SLC47A1: variants seen among roughly 807,000 people sequenced by gnomAD.
The protein encoded by SLC47A1 is solute carrier family 47 member 1, also known as multidrug and toxin extrusion protein 1.
Under a neutral mutation model 65.8 loss-of-function variants are expected in SLC47A1, and 58 were observed. The observed-to-expected ratio is 0.88, with a 90% confidence interval of 0.71 to 1.10. SLC47A1 has a LOEUF of 1.10. Among genes scored for constraint, SLC47A1 ranks in the 50% least tolerant of loss-of-function variants. The probability of loss-of-function intolerance (pLI) is 0.00; values close to 1 mark genes in which losing one functional copy is unlikely to be tolerated. For missense variants in SLC47A1, 706 were observed against 719.2 expected (o/e 0.98, Z 0.21); for synonymous variants, 285 against 295.0 (o/e 0.97, Z 0.35).
chr17:19,534,857 T>A (rs1041011914), intron 1 of SLC47A1: 3 of 152,316 alleles, frequency 2.0e-5, no homozygotes, highest in Non-Finnish European at 4.4e-5. Flanking sequence ...CACAATCCTA[T>A]CCACGTTCTC....
intron 12 of SLC47A1, among the ~76,000 whole-genome samples, chr17:19,561,038 C>T (rs2084305373): frequency 6.6e-6 from 1 of 151,990 alleles, no homozygotes; most frequent in South Asian, 2.1e-4. Flanking sequence ...TGGCAGATCA[C>T]CTGAGGTCAG....
intron 1 of SLC47A1, among the ~76,000 whole-genome samples, chr17:19,541,271 G>T (rs547358595): frequency 1.3e-5 from 2 of 152,138 alleles, no homozygotes; most frequent in African/African-American, 2.4e-5. Context: ...AGGCAGCGGC[G>T]GCAGCAGCAA....
Position 19,577,876 on chromosome 17 carries a change from A to C in SLC47A1, c.*323A>C. ...TTTTTAGACACAAACCCATAAACTA[A>C]CTGCTTAAGAATTCATACTGCTTGA... On this transcript the variant is annotated 3_prime_UTR_variant, in exon 17 of 17. Transcript: ENST00000270570. 3.2e-6 allele frequency: 4 copies of C among 1,241,722 alleles called. No individual in the cohort carries two copies. Among genetic ancestry groups the C allele is most frequent in the Non-Finnish European group, 4.1e-6 (4 of 977,528 alleles). The allele number at this position is 1,241,722 out of a possible 1,614,324, so 76.9% of individuals were successfully genotyped here.
At chr17:19,548,499 CTT>C (rs11341022) in intron 4 of SLC47A1, among the ~76,000 whole-genome samples, 9,315 of 123,516 alleles carry the variant, frequency 0.075, 309 homozygotes, top group East Asian at 0.18. Flanking sequence ...CAAGATTTTT[CTT>C]TTTTTTTTTT....
intron 14 of SLC47A1, chr17:19,567,880 C>G (rs2084372492): frequency 6.6e-6 from 1 of 152,472 alleles, no homozygotes; most frequent in Non-Finnish European, 1.5e-5. Flanking sequence ...CAAGGCCATA[C>G]ACGTGGTCGG....
In SLC47A1 at chr17:19,571,515, A is replaced by T; in HGVS notation, c.1347A>T (p.Gln449His). 1 of 1,614,118 alleles carries T rather than the reference A, an allele frequency of 6.2e-7. No individual in the cohort carries two copies. Residue 449 changes from glutamine (Q) to histidine (H), a missense_variant, in exon 15 of 17, where the codon CAA (glutamine) becomes CAT (histidine). Coordinates refer to ENST00000270570, the MANE Select transcript of SLC47A1 (RefSeq NM_018242.3). ...WSGIIICTVF[Q>H]AVCFLGFIIQ... ...GGATCATCATCTGTACAGTCTTTCA[A>T]GCTGTGTGTTTTCTAGGCTTTATTA...
chr17:19,555,261 A>G lies in SLC47A1; in HGVS notation c.593A>G (p.Asn198Ser), dbSNP rs781664341. ...IVTGVAANLV[N>S]ALANYLFLHQ... The stretch of plus-strand genomic sequence containing the variant: ...ACTGGAGTTGCAGCCAACCTTGTCA[A>G]TGCCCTCGCCAACTATCTGTTTCTC... The change falls in exon 7 of 17, where the codon AAT (asparagine) becomes AGT (serine). Residue 198 changes from asparagine to serine, a missense_variant. By Grantham distance (46) the Asn-to-Ser change is conservative (BLOSUM62 1). Coordinates refer to ENST00000270570, the MANE Select transcript of SLC47A1 (RefSeq NM_018242.3). 18 of 1,614,056 alleles carry G rather than the reference A, an allele frequency of 1.1e-5. No individual in the cohort carries two copies. Among genetic ancestry groups the G allele is most frequent in the Admixed American group, 5.0e-5 (3 of 60,002 alleles).
rs191906653 is a variant in SLC47A1 at position 19,557,309 on chromosome 17, A to T, written c.921+1247A>T. 3.7e-4 allele frequency: 62 copies of T among 166,288 alleles called. 1 individual carries two copies. The East Asian group carries it at 7.1e-3, about 19-fold the overall frequency. The allele number at this position is 166,288 out of a possible 1,614,324, so 10.3% of individuals were successfully genotyped here. A position where few individuals can be genotyped will look rare whatever the true frequency, so the allele number is the denominator to read the frequency against. ...TCTATCCTTGGCAGAGTTTTTTAAC[A>T]TGGATTTTTTACTTCACTTTTAATA... On this transcript the variant is annotated intron_variant, in intron 10 of 16. Coordinates refer to ENST00000270570, the MANE Select transcript of SLC47A1 (RefSeq NM_018242.3).
chr17:19,577,691 C>T lies in SLC47A1; in HGVS notation c.*138C>T, dbSNP rs1472254203. On this transcript the variant is annotated 3_prime_UTR_variant, in exon 17 of 17. Coordinates refer to ENST00000270570, the MANE Select transcript of SLC47A1 (RefSeq NM_018242.3). ...TTTGAGGGCTGGAAATGCAAAGACA[C>T]ATTTTTCTATAAAAAGAAAAAGCAA... 1 of 1,457,328 alleles carries T rather than the reference C, an allele frequency of 6.9e-7. No individual in the cohort carries two copies. Among genetic ancestry groups the T allele is most frequent in the Non-Finnish European group, 9.0e-7 (1 of 1,112,362 alleles). The allele number at this position is 1,457,328 out of a possible 1,614,324, so 90.3% of individuals were successfully genotyped here. A position where few individuals can be genotyped will look rare whatever the true frequency, so the allele number is the denominator to read the frequency against.
chr17:19,557,418 G>A (rs1916647678), intron 10 of SLC47A1: 1 of 328,744 alleles, frequency 3.0e-6, no homozygotes, highest in Non-Finnish European at 6.2e-6. Flanking sequence ...TCCACTATAT[G>A]TGATATACTT....
In SLC47A1 at chr17:19,550,465, A is replaced by G. The variant is rs374893196; in HGVS notation, c.498+788A>G. ...TGATTAGCCGATACTACAGGTGCAC[A>G]CCACCACGCCCAGCTAATTTTTGTA... is the stretch of plus-strand genomic sequence containing the variant. On this transcript the variant is annotated intron_variant, in intron 5 of 16. Coordinates refer to ENST00000270570, the MANE Select transcript of SLC47A1 (RefSeq NM_018242.3). Among the ~76,000 whole-genome samples the G allele has an allele frequency of 2.6e-4, 39 of 152,206 alleles. No homozygotes were observed. In the East Asian group the frequency reaches 7.5e-3, roughly 29 times the overall value.
chr17:19,574,945 CACTT>C (rs2084427936), intron 16 of SLC47A1, among the ~76,000 whole-genome samples: 1 of 152,134 alleles, frequency 6.6e-6, no homozygotes, highest in East Asian at 1.9e-4. Flanking sequence ...CTAACAATGG[CACTT>C]ACTTTTATAC....
At chr17:19,546,343 G>A in intron 2 of SLC47A1, 92 bp from the exon 3 acceptor site, 1 of 1,267,562 alleles carries the variant, frequency 7.9e-7, no homozygotes, top group Non-Finnish European at 1.1e-6. Flanking sequence ...GCTGAAGGAG[G>A]AGCTTTGCAG....
rs1251214584 is a variant in SLC47A1 at position 19,567,203 on chromosome 17, G to A, written c.1284G>A (p.Met428Ile). ...VVGLPIGIALMFATTLGVMGL... is the reference protein window; with the variant it reads ...VVGLPIGIALIFATTLGVMGL... ...GCCTCCCCATCGGGATCGCGCTGAT[G>A]TTTGCAACCACACTTGGAGTGATGG... The change falls in exon 14 of 17, where the codon ATG becomes ATA. Residue 428 changes from methionine (M) to isoleucine (I), a missense_variant. Coordinates refer to ENST00000270570, the MANE Select transcript of SLC47A1 (RefSeq NM_018242.3). 3.1e-6 allele frequency: 5 copies of A among 1,614,102 alleles called. No individual in the cohort carries two copies. In the South Asian group the frequency reaches 3.3e-5, roughly 11 times the overall value.
chr17:19,561,706 T>A (rs8076891), intron 12 of SLC47A1, among the ~76,000 whole-genome samples: 3,889 of 151,760 alleles, frequency 0.026, 165 homozygotes, highest in African/African-American at 0.089. Flanking sequence ...ACATATTAGA[T>A]GTAGGAACTG....
chr17:19,548,822 G>A (rs1398392803), intron 4 of SLC47A1, among the ~76,000 whole-genome samples: 1 of 152,128 alleles, frequency 6.6e-6, no homozygotes, highest in African/African-American at 2.4e-5. Flanking sequence ...GTGAGGCCTG[G>A]GTATCGGTAT....
Position 19,555,670 on chromosome 17 carries a change from T to A in SLC47A1, c.719T>A (p.Leu240Gln), listed in dbSNP as rs868841800. ...TTTCTCTACATCCTCGGGAAAAAAC[T>A]GCATCAAGCTACATGGGGAGGTAAT... ...LLFLYILGKK[L>Q]HQATWGGWSL... The change falls in exon 8 of 17, where the codon CTG becomes CAG. Residue 240 changes from leucine to glutamine, a missense_variant. Physicochemically the swap from Leu to Gln is moderately radical, Grantham distance 113. Transcript: ENST00000270570. 1 of 1,614,214 alleles carries A rather than the reference T, an allele frequency of 6.2e-7. No individual in the cohort carries two copies. Among genetic ancestry groups the A allele is most frequent in the Middle Eastern group, 1.7e-4 (1 of 6,060 alleles).
intron 15 of SLC47A1, among the ~76,000 whole-genome samples, chr17:19,572,035 T>G (rs2084403474): frequency 6.6e-6 from 1 of 152,188 alleles, no homozygotes; most frequent in Non-Finnish European, 1.5e-5. Context: ...ATGCCTGTAG[T>G]CCCAGCTATT....
intron 10 of SLC47A1, among the ~76,000 whole-genome samples, chr17:19,556,922 C>T (rs946501978): frequency 6.6e-6 from 1 of 152,084 alleles, no homozygotes; most frequent in Non-Finnish European, 1.5e-5. Flanking sequence ...TATGTGTCTG[C>T]GGGTAAATGA....
Sources: gnomAD v4.1 joint callset for allele counts (sites outside exome capture counted in the v4.1 genomes callset) on GRCh38, gnomAD v4.1.1 for gene constraint, MANE v1.5 for transcripts, NCBI Gene and HGNC (gene_info 2026-07-23, HGNC 2026-07-21) for gene names.